TRPM3: variants seen among roughly 807,000 people sequenced by gnomAD.
The protein encoded by TRPM3 is long transient receptor potential channel 3.
TRPM3 carries 77 observed loss-of-function variants against 181.2 expected under a neutral mutation model. That is an observed-to-expected ratio of 0.42 (90% CI 0.35 to 0.51). TRPM3 has a LOEUF of 0.51. Among genes scored for constraint, TRPM3 ranks in the 20% least tolerant of loss-of-function variants. The pLI is 0.01. For missense variants in TRPM3, 1,759 were observed against 2,196.7 expected (o/e 0.80, Z 3.98); for synonymous variants, 745 against 796.4 (o/e 0.94, Z 1.09).
At chr9:70,921,543 C>A (rs1421438843) in intron 1 of TRPM3, among the ~76,000 whole-genome samples, 1 of 152,160 alleles carries the variant, frequency 6.6e-6, no homozygotes, top group African/African-American at 2.4e-5. Flanking sequence ...TATGACATTT[C>A]TCCACTGGGG....
At chr9:70,621,008 T>TTA (rs1034738505) in intron 15 of TRPM3, among the ~76,000 whole-genome samples, 8 of 146,804 alleles carry the variant, frequency 5.4e-5, no homozygotes, top group East Asian at 3.9e-4. Flanking sequence ...TTATGACACA[T>TTA]TATATATATA....
intron 8 of TRPM3, among the ~76,000 whole-genome samples, chr9:70,699,810 G>C (rs1460775910): frequency 6.6e-6 from 1 of 152,182 alleles, no homozygotes. Flanking sequence ...TAAGGGCCTG[G>C]AATAGGGGTG....
chr9:71,320,350 G>A (rs553882170), intron 1 of TRPM3, among the ~76,000 whole-genome samples: 1 of 152,098 alleles, frequency 6.6e-6, no homozygotes, highest in South Asian at 2.1e-4. Context: ...TTATTACATG[G>A]TCTGAACACT....
chr9:70,918,367 G>A (rs2096622566), intron 1 of TRPM3, among the ~76,000 whole-genome samples: 1 of 152,038 alleles, frequency 6.6e-6, no homozygotes, highest in Non-Finnish European at 1.5e-5. Flanking sequence ...TAAACTATAT[G>A]TCGGATCACA....
At chr9:71,121,066 T>C in intron 1 of TRPM3, 112 bp downstream of exon 1, 1 of 1,001,562 alleles carries the variant, frequency 1.0e-6, no homozygotes, top group Non-Finnish European at 1.5e-6. Context: ...ACAGAGCCAG[T>C]ACTGCATGCA....
intron 5 of TRPM3, among the ~76,000 whole-genome samples, chr9:70,841,824 A>T (rs12379273): frequency 0.22 from 32,536 of 150,868 alleles, 4,349 homozygotes; most frequent in Non-Finnish European, 0.29. Flanking sequence ...TAAGTAAAAT[A>T]ACTCAGAAAC....
At chr9:71,379,643 A>T (rs1450705851) in intron 1 of TRPM3, among the ~76,000 whole-genome samples, 1 of 151,902 alleles carries the variant, frequency 6.6e-6, no homozygotes, top group Non-Finnish European at 1.5e-5. Context: ...ATGACTCTCA[A>T]ACACTCACAG....
chr9:71,446,784 G>T (rs191324427), exon 1 of TRPM3: 4 of 1,550,362 alleles, frequency 2.6e-6, no homozygotes, highest in African/African-American at 1.4e-5. Context: ...TTGTCCTCGC[G>T]GTCGGAGCAG....
intron 1 of TRPM3, among the ~76,000 whole-genome samples, chr9:71,227,905 A>G (rs186872528): frequency 2.3e-4 from 35 of 152,264 alleles, no homozygotes; most frequent in Non-Finnish European, 4.4e-5. Flanking sequence ...TCTACCAAAC[A>G]TTTAGAGAAC....
intron 1 of TRPM3, among the ~76,000 whole-genome samples, chr9:71,104,602 G>A (rs73480154): frequency 0.033 from 4,979 of 152,176 alleles, 285 homozygotes; most frequent in African/African-American, 0.11. Flanking sequence ...ATTAAACAAC[G>A]TATAAATCAT....
At chr9:71,035,542 C>A (rs946887564) in intron 1 of TRPM3, among the ~76,000 whole-genome samples, 5 of 152,252 alleles carry the variant, frequency 3.3e-5, no homozygotes, top group African/African-American at 7.2e-5. Flanking sequence ...CATGGCAAAA[C>A]CCTGTCTCTG....
chr9:70,575,103 C>T (rs1016567662), intron 22 of TRPM3, among the ~76,000 whole-genome samples: 6 of 123,904 alleles, frequency 4.8e-5, no homozygotes, highest in Middle Eastern at 3.7e-3. Flanking sequence ...CACCACATCC[C>T]GCATAATTTT....
intron 1 of TRPM3, among the ~76,000 whole-genome samples, chr9:70,951,764 T>C (rs1045255239): frequency 6.6e-6 from 1 of 152,224 alleles, no homozygotes; most frequent in African/African-American, 2.4e-5. Flanking sequence ...TGAGTTTCTG[T>C]ACTAACTTCC....
intron 1 of TRPM3, among the ~76,000 whole-genome samples, chr9:71,273,509 G>A (rs979625284): frequency 1.3e-5 from 2 of 152,174 alleles, no homozygotes; most frequent in African/African-American, 2.4e-5. Flanking sequence ...GTGATAACTT[G>A]ATAAAGTGTA....
intron 1 of TRPM3, among the ~76,000 whole-genome samples, chr9:71,017,635 G>T (rs559000211): frequency 1.3e-5 from 2 of 151,578 alleles, no homozygotes; most frequent in East Asian, 3.9e-4. Context: ...ACAACAAAAG[G>T]CCAATTCACA....
intron 1 of TRPM3, among the ~76,000 whole-genome samples, chr9:71,411,179 T>C (rs945167324): frequency 1.1e-4 from 17 of 152,354 alleles, no homozygotes; most frequent in Admixed American, 2.0e-4. Flanking sequence ...AGCATTCCCT[T>C]TGAAAACTGG....
intron 8 of TRPM3, among the ~76,000 whole-genome samples, chr9:70,748,561 G>C (rs1446950775): frequency 6.6e-6 from 1 of 152,142 alleles, no homozygotes; most frequent in Non-Finnish European, 1.5e-5. Context: ...GGGCCTTTGA[G>C]AAGTGATTAG....
At chr9:70,542,618 T>C (rs1256023876) in intron 25 of TRPM3, among the ~76,000 whole-genome samples, 3 of 152,236 alleles carry the variant, frequency 2.0e-5, no homozygotes, top group Admixed American at 6.5e-5. Flanking sequence ...CCACATGCAA[T>C]TTCTTAAGAA....
intron 1 of TRPM3, among the ~76,000 whole-genome samples, chr9:70,956,892 CA>C (rs952126808): frequency 5.7e-5 from 8 of 139,408 alleles, no homozygotes; most frequent in Admixed American, 1.4e-4. Flanking sequence ...TCTCCCCTGC[CA>C]AAAAAAAAAT....
Sources: gnomAD v4.1 joint callset for allele counts (sites outside exome capture counted in the v4.1 genomes callset) on GRCh38, gnomAD v4.1.1 for gene constraint, MANE v1.5 for transcripts, NCBI Gene and HGNC (gene_info 2026-07-23, HGNC 2026-07-21) for gene names.